The following ITGA11 variants were observed in gnomAD, a reference collection of about 807,000 sequenced individuals.
ITGA11 encodes the protein integrin alpha-11.
In ITGA11, 97 loss-of-function variants were observed where a neutral mutation model predicts 141.9. That is an observed-to-expected ratio of 0.68 (90% CI 0.58 to 0.81). The LOEUF is 0.81. Ranked by LOEUF, ITGA11 falls within the 30% of genes least tolerant of loss-of-function variation. The pLI, the probability that ITGA11 is intolerant of heterozygous loss-of-function variation, is 0.00. For synonymous variants in ITGA11, 658 were observed against 624.6 expected (o/e 1.05, Z -0.80); for missense variants, 1,387 against 1,559.2 (o/e 0.89, Z 1.86).
intron 2 of ITGA11, among the ~76,000 whole-genome samples, chr15:68,389,635 C>A (rs903571412): frequency 1.6e-4 from 24 of 152,248 alleles, no homozygotes; most frequent in Admixed American, 1.5e-3. Flanking sequence ...GTCTGTACAC[C>A]TGTACCCAGG....
chr15:68,331,741 C>CGTTT (rs1894164176), intron 14 of ITGA11, 118 bp downstream of exon 14: 2 of 880,122 alleles, frequency 2.3e-6, no homozygotes, highest in East Asian at 5.3e-5. Flanking sequence ...GATTGGCATC[C>CGTTT]GTTTCTGTGA....
Position 68,315,679 on chromosome 15 carries a change from G to T in ITGA11, c.2764C>A (p.His922Asn), listed in dbSNP as rs1249045935. The change falls in exon 22 of 30, where the codon CAC becomes AAC. Residue 922 changes from histidine to asparagine, a missense_variant. His to Asn is a moderately conservative substitution (Grantham distance 68, BLOSUM62 1). Transcript: ENST00000315757. Reference protein sequence around the residue: ...FEFSKSIFLHHLEIELAAGSD... With the variant: ...FEFSKSIFLHNLEIELAAGSD... ...CCTGCAGCGAGCTCGATCTCCAGGT[G>T]GTGTAGGAAGATGGATTTGCTGAAC... is the stretch of plus-strand genomic sequence containing the variant. The T allele has an allele frequency of 6.2e-6, 10 of 1,613,200 alleles. No individual in the cohort carries two copies. The highest frequency in any genetic ancestry group is 2.7e-5 in the African/African-American group (2 of 74,924).
chr15:68,425,164 G>A (rs1292068591), intron 1 of ITGA11, among the ~76,000 whole-genome samples: 3 of 152,232 alleles, frequency 2.0e-5, no homozygotes, highest in African/African-American at 7.2e-5. Flanking sequence ...TGGGATCATG[G>A]TGTCTTCCTT....
At chr15:68,354,959 T>C (rs1364258716) in intron 7 of ITGA11, among the ~76,000 whole-genome samples, 1 of 152,162 alleles carries the variant, frequency 6.6e-6, no homozygotes, top group African/African-American at 2.4e-5. Context: ...ATTTGGAAGT[T>C]TGGGAAGATC....
chr15:68,409,663 A>G (rs1238076954), intron 1 of ITGA11, among the ~76,000 whole-genome samples: 1 of 152,004 alleles, frequency 6.6e-6, no homozygotes, highest in African/African-American at 2.4e-5. Context: ...CCTACCACTT[A>G]GATAACAATA....
intron 7 of ITGA11, among the ~76,000 whole-genome samples, chr15:68,353,847 C>T (rs1318255189): frequency 6.6e-6 from 1 of 152,108 alleles, no homozygotes; most frequent in Non-Finnish European, 1.5e-5. Context: ...CTGACAACAG[C>T]TCACTAGGCC....
chr15:68,315,634 G>A lies in ITGA11; in HGVS notation c.2792+17C>T, dbSNP rs1396962611. The A allele has an allele frequency of 1.2e-6, 2 of 1,607,176 alleles. No homozygotes were observed. ...GAATAGCAAGCTTTGGGGAGAAGGA[G>A]CAGGCACGGCCCTGACCTGCCTGCA... On this transcript the variant is annotated intron_variant, in intron 22 of 29. Transcript: ENST00000315757.
chr15:68,423,094 A>G (rs1003067436), intron 1 of ITGA11, among the ~76,000 whole-genome samples: 3 of 152,188 alleles, frequency 2.0e-5, no homozygotes, highest in Admixed American at 6.5e-5. Flanking sequence ...ACCTGGACAG[A>G]GAGTTCTTTG....
At position 68,315,720 on chromosome 15, in the gene ITGA11, A is replaced by T; in HGVS notation, c.2723T>A (p.Phe908Tyr). 2 of 1,611,444 alleles carry T rather than the reference A, an allele frequency of 1.2e-6. No individual in the cohort carries two copies. The highest frequency in any genetic ancestry group is 1.7e-6 in the Non-Finnish European group (2 of 1,178,634). The change falls in exon 22 of 30, where the codon TTC becomes TAC. Residue 908 changes from phenylalanine to tyrosine, a missense_variant. By Grantham distance (22) the Phe-to-Tyr change is conservative. Transcript: ENST00000315757. Reference protein sequence around the residue: ...PFFRAKAKVAFRLDFEFSKSI... With the variant: ...PFFRAKAKVAYRLDFEFSKSI... ...TTTGCTGAACTCAAAATCAAGACGG[A>T]AAGCCACCTGCAAGGAAGCAGTCGC...
At chr15:68,383,564 A>G (rs1435515968) in intron 2 of ITGA11, among the ~76,000 whole-genome samples, 1 of 152,194 alleles carries the variant, frequency 6.6e-6, no homozygotes, top group Non-Finnish European at 1.5e-5. Context: ...CCTGAGTGAT[A>G]TCTACAGGAA....
intron 20 of ITGA11, among the ~76,000 whole-genome samples, 174 bp from the exon 21 acceptor site, chr15:68,317,537 G>A (rs1040426707): frequency 6.6e-6 from 1 of 152,178 alleles, no homozygotes; most frequent in Admixed American, 6.5e-5. Context: ...AGAGGCCCCA[G>A]AGGCCAGGGT....
rs368341337 is a variant in ITGA11, at chr15:68,307,546, T to G, written c.3285+40A>C. 1.6e-4 allele frequency: 253 copies of G among 1,547,152 alleles called. No homozygotes were observed. Among genetic ancestry groups the G allele is most frequent in the Non-Finnish European group, 2.2e-4 (247 of 1,129,250 alleles). Reference sequence around the variant, plus strand: ...AAGACATCCCAACAGCCGCCCCCTTTCCCTTCTTCCTTCCAGCCCAGCCCA... The same window carrying G: ...AAGACATCCCAACAGCCGCCCCCTTGCCCTTCTTCCTTCCAGCCCAGCCCA... On this transcript the variant is annotated intron_variant, in intron 27 of 29. Coordinates refer to ENST00000315757, the MANE Select transcript of ITGA11 (RefSeq NM_001004439.2). This position sits in a 1 kb window ranked among gnomAD's most constrained non-coding sequence, Gnocchi z 6.1.
chr15:68,379,423 G>T lies in ITGA11; in HGVS notation c.165-10139C>A, dbSNP rs116188743. On this transcript the variant is annotated intron_variant, in intron 2 of 29. Coordinates refer to ENST00000315757, the MANE Select transcript of ITGA11 (RefSeq NM_001004439.2). Reference sequence around the variant, plus strand: ...ATCCATCTTCAAATCTCCCCCCAGCGCTGGTCAAATACCTTGCACACAGTC... The same window carrying T: ...ATCCATCTTCAAATCTCCCCCCAGCTCTGGTCAAATACCTTGCACACAGTC... Among the ~76,000 whole-genome samples the T allele has an allele frequency of 5.3e-3, 805 of 152,356 alleles. 9 individuals carry two copies. The highest frequency in any genetic ancestry group is 0.019 in the African/African-American group (778 of 41,572).
At chr15:68,417,965 C>G (rs1896925844) in intron 1 of ITGA11, among the ~76,000 whole-genome samples, 1 of 152,246 alleles carries the variant, frequency 6.6e-6, no homozygotes, top group Non-Finnish European at 1.5e-5. Context: ...ACTGTCTCCT[C>G]TCCCACTGGA....
intron 2 of ITGA11, among the ~76,000 whole-genome samples, chr15:68,393,048 A>G (rs563021949): frequency 4.6e-5 from 7 of 152,362 alleles, no homozygotes; most frequent in African/African-American, 1.4e-4. Context: ...CTATAAAAAA[A>G]GAATCCAGTG....
chr15:68,400,070 T>C (rs1896428615), intron 2 of ITGA11, among the ~76,000 whole-genome samples: 3 of 152,076 alleles, frequency 2.0e-5, no homozygotes, highest in Admixed American at 2.0e-4. Context: ...CAAGTTTAGA[T>C]AAATAGACAA....
At chr15:68,364,867 G>T in intron 3 of ITGA11, 69 bp from the exon 4 acceptor site, 1 of 1,469,232 alleles carries the variant, frequency 6.8e-7, no homozygotes, top group Non-Finnish European at 9.5e-7. Flanking sequence ...CCTGCTGCTG[G>T]TCTGGTCACC....
At chr15:68,384,724 G>A (rs773481286) in intron 2 of ITGA11, among the ~76,000 whole-genome samples, 10 of 152,234 alleles carry the variant, frequency 6.6e-5, no homozygotes, top group Non-Finnish European at 1.0e-4. Context: ...ACCAGAATGA[G>A]TCATGATGCC....
intron 4 of ITGA11, 86 bp downstream of exon 4, chr15:68,364,621 C>G: frequency 1.9e-6 from 2 of 1,028,254 alleles, no homozygotes; most frequent in Non-Finnish European, 3.0e-6. Flanking sequence ...ACAGGATGGA[C>G]ATGAGGGTGT....
Sources: gnomAD v4.1 joint callset for allele counts (sites outside exome capture counted in the v4.1 genomes callset) on GRCh38, gnomAD v4.1.1 for gene constraint, Gnocchi (gnomAD v3.1) non-coding constraint, MANE v1.5 for transcripts, NCBI Gene and HGNC (gene_info 2026-07-23, HGNC 2026-07-21) for gene names.